The following FCRL4 variants were observed in gnomAD, a reference collection of about 807,000 sequenced individuals.
FCRL4 encodes Fc receptor-like protein 4.
Under a neutral mutation model 64.1 loss-of-function variants are expected in FCRL4, and 43 were observed. The observed-to-expected ratio is 0.67, with a 90% CI of 0.53 to 0.87. The LOEUF (loss-of-function observed/expected upper bound fraction) is 0.87. Among genes scored for constraint, FCRL4 ranks in the 40% least tolerant of loss-of-function variants. The probability of loss-of-function intolerance (pLI) is 0.00; values close to 1 mark genes in which losing one functional copy is unlikely to be tolerated. For missense variants in FCRL4, 656 were observed against 613.5 expected, an observed-to-expected ratio of 1.07 and a Z score of -0.73; for synonymous variants, 253 against 239.8, an observed-to-expected ratio of 1.05 and a Z score of -0.51.
chr1:157,587,112 G>GA (rs1262184733), intron 5 of FCRL4, among the ~76,000 whole-genome samples, 164 bp downstream of exon 5: 1 of 152,262 alleles, frequency 6.6e-6, no homozygotes, highest in African/African-American at 2.4e-5. Flanking sequence ...AATGGAGGTA[G>GA]AAAAGAAGTC....
chr1:157,575,396 T>C lies in FCRL4; in HGVS notation c.*128A>G. ...GAGTATTCCTGGGAGTGAATGCATA[T>C]GCATGAGAAGAATTAGAAAGCTGGA... On this transcript the variant is annotated 3_prime_UTR_variant, in exon 12 of 12. Coordinates refer to ENST00000271532, the MANE Select transcript of FCRL4 (RefSeq NM_031282.3). 1 of 696,010 alleles carries C rather than the reference T, an allele frequency of 1.4e-6. No homozygotes were observed. The highest frequency in any genetic ancestry group is 1.7e-5 in the South Asian group (1 of 58,360). 43.1% of individuals were successfully genotyped at this position (696,010 alleles called of 1,614,324 possible). A position where few individuals can be genotyped will look rare whatever the true frequency, so the allele number is the denominator to read the frequency against.
intron 5 of FCRL4, 60 bp downstream of exon 5, chr1:157,587,216 G>A: frequency 6.3e-7 from 1 of 1,574,984 alleles, no homozygotes; most frequent in Non-Finnish European, 8.7e-7. Context: ...TAGTCCCCAT[G>A]CCTACAGAGC....
At position 157,574,462 on chromosome 1, in the gene FCRL4, T is replaced by C. The variant is rs1298645807; in HGVS notation, c.*1062A>G. 2 of 212,492 alleles carry C rather than the reference T, an allele frequency of 9.4e-6. No individual in the cohort carries two copies. The highest frequency in any genetic ancestry group is 1.9e-5 in the Non-Finnish European group (2 of 105,102). 13.2% of individuals were successfully genotyped at this position (212,492 alleles called of 1,614,324 possible). A position where few individuals can be genotyped will look rare whatever the true frequency, so the allele number is the denominator to read the frequency against. On this transcript the variant is annotated 3_prime_UTR_variant, in exon 12 of 12. Transcript: ENST00000271532. ...CCTCTAATATTTGGCTGCTGGTTTT[T>C]GTCAATTATTTAACCAGTAGGTGTA...
At chr1:157,578,927 G>T in intron 8 of FCRL4, 75 bp from the exon 9 acceptor site, 1 of 1,214,390 alleles carries the variant, frequency 8.2e-7, no homozygotes, top group Non-Finnish European at 1.2e-6. Context: ...CAGGGAGAGC[G>T]GCAGAGGAGA....
In FCRL4 at chr1:157,586,309, G is replaced by A. The variant is rs1475865449; in HGVS notation, c.994C>T (p.Leu332=). Residue 332 remains leucine, a synonymous_variant, in exon 6 of 12, where the codon CTG becomes TTG. Coordinates refer to ENST00000271532, the MANE Select transcript of FCRL4 (RefSeq NM_031282.3). ...SWHREDMQES[L]GRKTQRSLRA... is the part of the protein sequence containing the mutation. The stretch of plus-strand genomic sequence containing the variant: ...AGGGAACGCTGAGTTTTCCTCCCCA[G>A]ACTCTCCTGCATGTCCTCTCGGTGC... 5 of 1,613,924 alleles carry A rather than the reference G, an allele frequency of 3.1e-6. No homozygotes were observed. Among genetic ancestry groups the A allele is most frequent in the Non-Finnish European group, 4.2e-6 (5 of 1,179,978 alleles).
chr1:157,578,695 C>A, intron 9 of FCRL4, 75 bp downstream of exon 9: 1 of 1,487,080 alleles, frequency 6.7e-7, no homozygotes, highest in Non-Finnish European at 9.4e-7. Context: ...AGTCCAGGGG[C>A]ATTTCCCAGG....
At chr1:157,587,811 C>A (rs899468479) in intron 4 of FCRL4, 54 bp downstream of exon 4, 2 of 1,511,310 alleles carry the variant, frequency 1.3e-6, no homozygotes, top group Non-Finnish European at 1.8e-6. Flanking sequence ...CTTACATGCT[C>A]AGTTTCCTAT....
intron 6 of FCRL4, among the ~76,000 whole-genome samples, 171 bp from the exon 7 acceptor site, chr1:157,581,815 G>A (rs1403127402): frequency 2.0e-5 from 3 of 152,180 alleles, no homozygotes; most frequent in Non-Finnish European, 4.4e-5. Context: ...CATTGGGTGG[G>A]CCAGGGCCTG....
At chr1:157,586,736 T>C (rs1047529409) in intron 5 of FCRL4, among the ~76,000 whole-genome samples, 2 of 152,198 alleles carry the variant, frequency 1.3e-5, no homozygotes, top group Non-Finnish European at 2.9e-5. Context: ...TGAGTTGTTT[T>C]GAGGGGCAGG....
At chr1:157,587,674 T>C in intron 4 of FCRL4, 114 bp from the exon 5 acceptor site, 1 of 1,231,348 alleles carries the variant, frequency 8.1e-7, no homozygotes, top group Non-Finnish European at 1.1e-6. Context: ...GACAAACTTA[T>C]CAAGCCCTCT....
rs1238488326 is a variant in FCRL4, at chr1:157,575,368, A to T, written c.*156T>A. ...TTCCATCCCAACATCAGAGTAGACG[A>T]ATGAGTATTCCTGGGAGTGAATGCA... On this transcript the variant is annotated 3_prime_UTR_variant, in exon 12 of 12. Coordinates refer to ENST00000271532, the MANE Select transcript of FCRL4 (RefSeq NM_031282.3). 1.6e-6 allele frequency: 1 copy of T among 635,420 alleles called. No individual in the cohort carries two copies. Among genetic ancestry groups the T allele is most frequent in the African/African-American group, 1.8e-5 (1 of 54,858 alleles). The allele number at this position is 635,420 out of a possible 1,614,324, so 39.4% of individuals were successfully genotyped here.
intron 2 of FCRL4, among the ~76,000 whole-genome samples, chr1:157,591,052 G>A (rs1440059025): frequency 6.6e-6 from 1 of 152,160 alleles, no homozygotes; most frequent in African/African-American, 2.4e-5. Flanking sequence ...GAGGGGAGTG[G>A]GGAGAGGGGG....
In FCRL4 at chr1:157,587,346, A is replaced by G. The variant is rs1224766724; in HGVS notation, c.777T>C (p.Tyr259=). ...PTVWRENSGS[Y]WCGAETVRGN... is the part of the protein sequence containing the mutation. Reference sequence around the variant, plus strand: ...CCCTCACTGTTTCAGCACCACACCAATAGGATCCTGAGTTTTCTCTCCAGA... The same window carrying G: ...CCCTCACTGTTTCAGCACCACACCAGTAGGATCCTGAGTTTTCTCTCCAGA... Residue 259 remains tyrosine (Y), a synonymous_variant, in exon 5 of 12, where the codon TAT becomes TAC. Transcript: ENST00000271532. 1 of 1,614,180 alleles carries G rather than the reference A, an allele frequency of 6.2e-7. No individual in the cohort carries two copies. Among genetic ancestry groups the G allele is most frequent in the Non-Finnish European group, 8.5e-7 (1 of 1,180,022 alleles).
intron 6 of FCRL4, among the ~76,000 whole-genome samples, chr1:157,583,951 A>G (rs988768649): frequency 1.3e-5 from 2 of 152,230 alleles, no homozygotes; most frequent in South Asian, 4.1e-4. Flanking sequence ...TCCTTAACAG[A>G]TGTTGACACC....
chr1:157,597,557 G>T (rs950634997), intron 1 of FCRL4, among the ~76,000 whole-genome samples: 1 of 152,112 alleles, frequency 6.6e-6, no homozygotes, highest in Non-Finnish European at 1.5e-5. Flanking sequence ...TCACAATCAG[G>T]ACTTTATCCT....
chr1:157,578,512 G>C lies in FCRL4; in HGVS notation c.1391C>G (p.Ser464Cys). 4 of 1,613,984 alleles carry C rather than the reference G, an allele frequency of 2.5e-6. No homozygotes were observed. The highest frequency in any genetic ancestry group is 3.4e-6 in the Non-Finnish European group (4 of 1,179,854). The change falls in exon 10 of 12, where the codon TCT (serine) becomes TGT (cysteine). Residue 464 changes from serine to cysteine, a missense_variant. Transcript: ENST00000271532. ...TCCCAGCTGAGTAGTCTGGATCTCAGAGTATACCAAATCTCCCTTTTTGGG... is the reference window on the plus strand; with the variant it reads ...TCCCAGCTGAGTAGTCTGGATCTCACAGTATACCAAATCTCCCTTTTTGGG... ...VHPKKGDLVY[S>C]EIQTTQLGEE...
chr1:157,585,949 A>G (rs991324265), intron 6 of FCRL4, among the ~76,000 whole-genome samples: 1 of 152,172 alleles, frequency 6.6e-6, no homozygotes, highest in African/African-American at 2.4e-5. Context: ...ATCACCTCCA[A>G]AAAGCAAAAT....
intron 6 of FCRL4, among the ~76,000 whole-genome samples, chr1:157,585,364 T>C (rs200193171): frequency 9.5e-6 from 1 of 105,518 alleles, no homozygotes; most frequent in African/African-American, 3.7e-5. Flanking sequence ...CTTTCTTTCT[T>C]TCTTTCTTTC....
At chr1:157,586,487 G>A (rs199943927) in intron 5 of FCRL4, 32 bp from the exon 6 acceptor site, 29 of 1,574,936 alleles carry the variant, frequency 1.8e-5, no homozygotes, top group Middle Eastern at 3.4e-4. Flanking sequence ...GGTGGGGGTC[G>A]GGTGTGAAGG....
Sources: allele counts gnomAD v4.1 joint callset (sites outside exome capture counted in the v4.1 genomes callset), GRCh38; gene constraint gnomAD v4.1.1; transcripts MANE v1.5; gene names NCBI Gene and HGNC (gene_info 2026-07-23, HGNC 2026-07-21).